The following BARD1 variants were observed in gnomAD, a reference collection of about 807,000 sequenced individuals.
BARD1 encodes BRCA1 associated RING domain 1, also known as BRCA1-associated RING domain protein 1.
In BARD1, 73 loss-of-function variants were observed where a neutral mutation model predicts 77.0. That is an observed-to-expected ratio of 0.95 (90% CI 0.79 to 1.15). The LOEUF is 1.15. Among genes scored for constraint, BARD1 ranks in the 50% most tolerant of loss-of-function variants. The pLI, the probability that BARD1 is intolerant of heterozygous loss-of-function variation, is 0.00. For missense variants in BARD1, 993 were observed against 938.8 expected (o/e 1.06, Z -0.75); for synonymous variants, 384 against 338.0 (o/e 1.14, Z -1.49).
chr2:214,745,059 AC>A lies in BARD1; in HGVS notation c.1903+7del, dbSNP rs760188914. 1 of 1,611,108 alleles carries A rather than the reference AC, an allele frequency of 6.2e-7. No individual in the cohort carries two copies. ...TCATTTCTTAATTCTCTCAAATCCA[AC>A]ACTTACATTCAAATTTTAGAATCCA... On this transcript the variant is annotated splice_region_variant and intron_variant, in intron 9 of 10. Coordinates refer to ENST00000260947, the MANE Select transcript of BARD1 (RefSeq NM_000465.4).
At chr2:214,752,386 T>C in intron 7 of BARD1, 61 bp downstream of exon 7, 2 of 1,421,108 alleles carry the variant, frequency 1.4e-6, no homozygotes, top group South Asian at 2.3e-5. Context: ...TTCTATTATG[T>C]TCCTTTCATA....
intron 7 of BARD1, among the ~76,000 whole-genome samples, chr2:214,751,682 T>C (rs574827744): frequency 1.3e-5 from 2 of 152,168 alleles, no homozygotes; most frequent in African/African-American, 2.4e-5. Flanking sequence ...TATCCAATTA[T>C]CTATTCGATA....
chr2:214,757,932 C>T (rs931475974), intron 6 of BARD1, among the ~76,000 whole-genome samples: 6 of 141,298 alleles, frequency 4.2e-5, no homozygotes, highest in African/African-American at 1.6e-4. Flanking sequence ...TTTAGAACCA[C>T]CAAAAAAAAG....
chr2:214,730,760 C>G, intron 9 of BARD1: 1 of 497,376 alleles, frequency 2.0e-6, no homozygotes, highest in Non-Finnish European at 3.7e-6. Context: ...TGAACACTAA[C>G]TGTAATTTTA....
In BARD1 at chr2:214,781,525, A is replaced by G. The variant is rs1310369784; in HGVS notation, c.365-16T>C. 6.3e-7 allele frequency: 1 copy of G among 1,597,268 alleles called. No individual in the cohort carries two copies. ...TCTTTCAAATCTGACAGAAAAAAAGAAAAAGAAATCTGTTACATGAAATTT... is the reference window on the plus strand; with the variant it reads ...TCTTTCAAATCTGACAGAAAAAAAGGAAAAGAAATCTGTTACATGAAATTT... On this transcript the variant is annotated splice_polypyrimidine_tract_variant and intron_variant, in intron 3 of 10. Coordinates refer to ENST00000260947, the MANE Select transcript of BARD1 (RefSeq NM_000465.4).
chr2:214,764,259 C>A (rs1297160001), intron 6 of BARD1, among the ~76,000 whole-genome samples: 2 of 152,166 alleles, frequency 1.3e-5, no homozygotes, highest in Non-Finnish European at 2.9e-5. Context: ...ATACAGACTA[C>A]ATTAGGCACT....
intron 3 of BARD1, among the ~76,000 whole-genome samples, chr2:214,784,923 G>C (rs184790577): frequency 1.5e-3 from 229 of 151,952 alleles, no homozygotes; most frequent in Non-Finnish European, 2.9e-3. Context: ...AATACCTAAT[G>C]TACATGACAG....
intron 3 of BARD1, among the ~76,000 whole-genome samples, chr2:214,787,080 T>A (rs114737474): frequency 0.052 from 7,948 of 151,944 alleles, 233 homozygotes; most frequent in Admixed American, 0.084. Context: ...GATTTTTTTT[T>A]AATTATTTTA....
chr2:214,780,928 A>C lies in BARD1; in HGVS notation c.946T>G (p.Leu316Val), dbSNP rs587782325. 12 of 1,613,864 alleles carry C rather than the reference A, an allele frequency of 7.4e-6. No individual in the cohort carries two copies. The African/African-American group carries it at 1.6e-4, about 22-fold the overall frequency. ...NYLTSKKSLPLENNGKRGHHN... is the reference protein window; with the variant it reads ...NYLTSKKSLPVENNGKRGHHN... ...TGGCCACGTTTTCCATTATTTTCTAATGGCAAAGATTTCTTAGATGTAAGA... is the reference window on the plus strand; with the variant it reads ...TGGCCACGTTTTCCATTATTTTCTACTGGCAAAGATTTCTTAGATGTAAGA... Residue 316 changes from leucine to valine, a missense_variant, in exon 4 of 11, where the codon TTA becomes GTA. Physicochemically the swap from Leu to Val is conservative, Grantham distance 32. Transcript: ENST00000260947.
Position 214,746,436 on chromosome 2 carries a change from G to A in BARD1, c.1678-582C>T, listed in dbSNP as rs77887006. 2.7e-3 allele frequency among the ~76,000 whole-genome samples: 417 copies of A among 152,188 alleles called. 3 individuals carry two copies. The highest frequency in any genetic ancestry group is 9.3e-3 in the African/African-American group (385 of 41,530). On this transcript the variant is annotated intron_variant, in intron 7 of 10. Coordinates refer to ENST00000260947, the MANE Select transcript of BARD1 (RefSeq NM_000465.4). ...ATAGTAAGAAGTCCATATAGCTCAC[G>A]ACTAAGAAAGAAGTGCTGTAACAAA... is the stretch of plus-strand genomic sequence containing the variant.
intron 7 of BARD1, among the ~76,000 whole-genome samples, chr2:214,749,590 T>C (rs545249915): frequency 3.7e-4 from 56 of 152,218 alleles, no homozygotes; most frequent in African/African-American, 1.3e-3. Flanking sequence ...AAGTAATCAT[T>C]TTCCAGCTTT....
chr2:214,780,046 G>A (rs1400539882), intron 4 of BARD1, among the ~76,000 whole-genome samples: 2 of 152,180 alleles, frequency 1.3e-5, no homozygotes, highest in East Asian at 3.9e-4. Flanking sequence ...ACAGCTGATT[G>A]TAGGGTAAAA....
At chr2:214,784,894 G>A (rs113393281) in intron 3 of BARD1, among the ~76,000 whole-genome samples, 6 of 152,230 alleles carry the variant, frequency 3.9e-5, no homozygotes, top group African/African-American at 1.2e-4. Context: ...GGGGTCAGGG[G>A]AGGGATAGCA....
At chr2:214,798,273 C>T (rs545397853) in intron 1 of BARD1, among the ~76,000 whole-genome samples, 39 of 152,230 alleles carry the variant, frequency 2.6e-4, no homozygotes, top group African/African-American at 7.2e-4. Flanking sequence ...TGCTCACTGA[C>T]GTTACAAAAC....
At chr2:214,797,523 C>T (rs1695815450) in intron 1 of BARD1, among the ~76,000 whole-genome samples, 1 of 152,006 alleles carries the variant, frequency 6.6e-6, no homozygotes, top group Non-Finnish European at 1.5e-5. Flanking sequence ...CGTAGAATGA[C>T]CATATAACGT....
chr2:214,780,600 T>C lies in BARD1; in HGVS notation c.1274A>G (p.Asn425Ser), dbSNP rs876659775. 6.2e-7 allele frequency: 1 copy of C among 1,614,074 alleles called. No individual in the cohort carries two copies. The change falls in exon 4 of 11, where the codon AAT (asparagine) becomes AGT (serine). Residue 425 changes from asparagine (N) to serine (S), a missense_variant. Transcript: ENST00000260947. The stretch of plus-strand genomic sequence containing the variant: ...ATGGAGCAAAGTCTCTCCTCTATGA[T>C]TTCTTTTCACAGCCATATTGGGCAA... ...KLLPNMAVKR[N>S]HRGETLLHIA...
chr2:214,765,750 G>GTA (rs1263328763), intron 6 of BARD1, among the ~76,000 whole-genome samples: 1 of 151,608 alleles, frequency 6.6e-6, no homozygotes, highest in Non-Finnish European at 1.5e-5. Flanking sequence ...ACGCACGTGT[G>GTA]TACACACACA....
intron 3 of BARD1, among the ~76,000 whole-genome samples, chr2:214,784,549 A>G (rs1695184161): frequency 6.6e-6 from 1 of 152,190 alleles, no homozygotes; most frequent in African/African-American, 2.4e-5. Flanking sequence ...AGGATTATAA[A>G]TCATTCTACT....
intron 9 of BARD1, among the ~76,000 whole-genome samples, chr2:214,734,076 G>C (rs79418618): frequency 0.011 from 1,695 of 152,134 alleles, 33 homozygotes; most frequent in African/African-American, 0.039. Flanking sequence ...TATTTTGCAT[G>C]TATTTCAATG....
Sources: gnomAD v4.1 joint callset for allele counts (sites outside exome capture counted in the v4.1 genomes callset) on GRCh38, gnomAD v4.1.1 for gene constraint, MANE v1.5 for transcripts, NCBI Gene and HGNC (gene_info 2026-07-23, HGNC 2026-07-21) for gene names.